Variants in HIPK2 observed in about 807,000 individuals in gnomAD.
The protein encoded by HIPK2 is homeodomain interacting protein kinase 2, also known as homeodomain-interacting protein kinase 2.
A neutral mutation model predicts 113.7 loss-of-function variants in HIPK2; 27 were observed. That is an observed-to-expected ratio of 0.24 (90% CI 0.17 to 0.33). The LOEUF is 0.33. HIPK2 is among the 10% of genes least tolerant of loss of function. The probability of loss-of-function intolerance (pLI) is 1.00; values close to 1 mark genes in which losing one functional copy is unlikely to be tolerated. For synonymous variants in HIPK2, 631 were observed against 642.2 expected, an observed-to-expected ratio of 0.98 and a Z score of 0.26; for missense variants, 1,257 against 1,588.0, an observed-to-expected ratio of 0.79 and a Z score of 3.54.
intron 2 of HIPK2, among the ~76,000 whole-genome samples, chr7:139,673,746 T>TA (rs926029591): frequency 1.3e-5 from 2 of 151,926 alleles, no homozygotes; most frequent in Non-Finnish European, 2.9e-5. Flanking sequence ...TAAGGAATGT[T>TA]AAAAAATTTG....
At chr7:139,729,249 T>C (rs1237613373) in intron 1 of HIPK2, among the ~76,000 whole-genome samples, 1 of 149,304 alleles carries the variant, frequency 6.7e-6, no homozygotes, top group Non-Finnish European at 1.5e-5. Flanking sequence ...CACTTGAAGC[T>C]GGGAGGTAGA....
intron 1 of HIPK2, among the ~76,000 whole-genome samples, chr7:139,749,235 G>A (rs1249841157): frequency 6.6e-6 from 1 of 152,194 alleles, no homozygotes; most frequent in African/African-American, 2.4e-5. Flanking sequence ...ACAAATCACT[G>A]CCAAGCTCAT....
At chr7:139,697,748 C>T (rs890144680) in intron 2 of HIPK2, among the ~76,000 whole-genome samples, 78 of 152,204 alleles carry the variant, frequency 5.1e-4, no homozygotes, top group African/African-American at 1.6e-3. Flanking sequence ...CAAACCATCA[C>T]GTCTATCTAG....
At chr7:139,690,955 T>G (rs1794388105) in intron 2 of HIPK2, among the ~76,000 whole-genome samples, 1 of 152,248 alleles carries the variant, frequency 6.6e-6, no homozygotes, top group Non-Finnish European at 1.5e-5. Context: ...GGGTGTTTGA[T>G]CCTGGACAAT....
Position 139,694,731 on chromosome 7 carries a change from T to C in HIPK2, c.1103+21201A>G, listed in dbSNP as rs995354764. 9.9e-3 allele frequency among the ~76,000 whole-genome samples: 1,502 copies of C among 152,240 alleles called. 18 individuals carry two copies. Among genetic ancestry groups the C allele is most frequent in the Middle Eastern group, 0.017 (5 of 294 alleles). On this transcript the variant is annotated intron_variant, in intron 2 of 14. Coordinates refer to ENST00000406875, the MANE Select transcript of HIPK2 (RefSeq NM_022740.5). ...TGTCTGCTTTGGTTTAGTGGAAAGA[T>C]GTCAGTTGAACAGAGAAGGTGGAGG...
chr7:139,623,327 A>G (rs1800302840), intron 6 of HIPK2, among the ~76,000 whole-genome samples: 1 of 152,026 alleles, frequency 6.6e-6, no homozygotes, highest in Admixed American at 6.5e-5. Flanking sequence ...CCTGGCCAAC[A>G]TGGGGAAACC....
At chr7:139,709,210 G>A (rs1205958151) in intron 2 of HIPK2, among the ~76,000 whole-genome samples, 2 of 152,060 alleles carry the variant, frequency 1.3e-5, no homozygotes, top group East Asian at 1.9e-4. Flanking sequence ...TGAAGTTGTC[G>A]GTGGGTTGAA....
intron 9 of HIPK2, among the ~76,000 whole-genome samples, chr7:139,607,439 G>A (rs562403795): frequency 6.4e-4 from 98 of 152,234 alleles, no homozygotes; most frequent in South Asian, 2.5e-3. Context: ...GGAGAAAGTC[G>A]CTTTCAGAGA....
chr7:139,578,583 A>G (rs920098334), intron 13 of HIPK2, among the ~76,000 whole-genome samples: 1 of 152,244 alleles, frequency 6.6e-6, no homozygotes. Context: ...CATGTGTTGT[A>G]TCTTGTACTC....
intron 12 of HIPK2, among the ~76,000 whole-genome samples, chr7:139,592,125 C>T (rs566640398): frequency 3.3e-5 from 5 of 152,248 alleles, no homozygotes; most frequent in South Asian, 2.1e-4. Flanking sequence ...GAAAACATTT[C>T]GGGTCAAATT....
chr7:139,708,185 A>G (rs1794962281), intron 2 of HIPK2, among the ~76,000 whole-genome samples: 2 of 152,114 alleles, frequency 1.3e-5, no homozygotes, highest in South Asian at 4.1e-4. Context: ...ATGCCATCTA[A>G]GCAACAATTC....
chr7:139,715,609 A>G (rs12113330), intron 2 of HIPK2, among the ~76,000 whole-genome samples: 3,611 of 152,110 alleles, frequency 0.024, 126 homozygotes, highest in African/African-American at 0.082. Context: ...CGGACTGTGG[A>G]TGGCACATCC....
chr7:139,704,962 G>C (rs898524780), intron 2 of HIPK2, among the ~76,000 whole-genome samples: 1 of 152,168 alleles, frequency 6.6e-6, no homozygotes, highest in Non-Finnish European at 1.5e-5. Flanking sequence ...TCTGGACTCA[G>C]GAAGAGGTGT....
intron 2 of HIPK2, among the ~76,000 whole-genome samples, chr7:139,709,155 C>T (rs1005595961): frequency 1.3e-5 from 2 of 152,068 alleles, no homozygotes; most frequent in South Asian, 2.1e-4. Flanking sequence ...AGCTGCAACC[C>T]GAAACGCATA....
chr7:139,676,044 C>G (rs533569101), intron 2 of HIPK2, among the ~76,000 whole-genome samples: 1 of 152,326 alleles, frequency 6.6e-6, no homozygotes, highest in South Asian at 2.1e-4. Flanking sequence ...TGCATCGTCA[C>G]TTTGCAATGG....
chr7:139,593,007 A>C (rs1473615487), intron 12 of HIPK2, among the ~76,000 whole-genome samples: 2 of 152,174 alleles, frequency 1.3e-5, no homozygotes, highest in Non-Finnish European at 2.9e-5. Context: ...CAGCACCAAG[A>C]GGGGGCTCAG....
chr7:139,716,782 C>A lies in HIPK2; in HGVS notation c.253G>T (p.Val85Phe), dbSNP rs780228518. 1 of 1,613,818 alleles carries A rather than the reference C, an allele frequency of 6.2e-7. No homozygotes were observed. The highest frequency in any genetic ancestry group is 8.5e-7 in the Non-Finnish European group (1 of 1,179,862). ...NPSLPYEQTI[V>F]FPGSTGHIVV... ...ATGTGCCCGGTGCTTCCTGGGAAGA[C>A]GATGGTCTGCTCGTAAGGTAGGCTT... is the stretch of plus-strand genomic sequence containing the variant. Residue 85 changes from valine to phenylalanine, a missense_variant, in exon 2 of 15, where the codon GTC becomes TTC. Transcript: ENST00000406875. This position sits in a 1 kb window ranked among gnomAD's most constrained non-coding sequence, Gnocchi z 9.3.
chr7:139,643,773 T>A (rs1801113442), intron 2 of HIPK2, among the ~76,000 whole-genome samples: 1 of 152,210 alleles, frequency 6.6e-6, no homozygotes, highest in African/African-American at 2.4e-5. Context: ...TGAGGAAGGT[T>A]CCTAGAAGAA....
rs1166157513 is a variant in HIPK2, at chr7:139,565,936, C to T, written c.*6991G>A. 6.6e-6 allele frequency: 1 copy of T among 152,034 alleles called. No homozygotes were observed. The highest frequency in any genetic ancestry group is 1.5e-5 in the Non-Finnish European group (1 of 68,018). The allele number at this position is 152,034 out of a possible 1,614,324, so 9.4% of individuals were successfully genotyped here. ...TTTAGTATTGCCTTTCTAGAATTAA[C>T]TATAAGCAAGAAAAACTTATTTTTT... On this transcript the variant is annotated 3_prime_UTR_variant, in exon 15 of 15. Transcript: ENST00000406875.
Sources: allele counts gnomAD v4.1 joint callset (sites outside exome capture counted in the v4.1 genomes callset), GRCh38; gene constraint gnomAD v4.1.1; non-coding constraint Gnocchi (gnomAD v3.1); transcripts MANE v1.5; gene names NCBI Gene and HGNC (gene_info 2026-07-23, HGNC 2026-07-21).